Variants in RNLS observed in about 807,000 individuals in gnomAD.
RNLS encodes the protein renalase, FAD dependent amine oxidase, also known as renalase.
Under a neutral mutation model 39.8 loss-of-function variants are expected in RNLS, and 39 were observed. That is an observed-to-expected ratio of 0.98 (90% CI 0.76 to 1.28). The LOEUF is 1.28. Ranked by LOEUF, RNLS falls within the 50% of genes most tolerant of loss-of-function variation. RNLS has a pLI of 0.00. For synonymous variants in RNLS, 147 were observed against 150.7 expected, an observed-to-expected ratio of 0.98 and a Z score of 0.18; for missense variants, 410 against 413.3, an observed-to-expected ratio of 0.99 and a Z score of 0.07.
At chr10:88,398,271 AGTGAGTCAGG>A (rs1420631097) in intron 4 of RNLS, among the ~76,000 whole-genome samples, 1 of 152,076 alleles carries the variant, frequency 6.6e-6, no homozygotes, top group Non-Finnish European at 1.5e-5. Flanking sequence ...GAAAGGAATA[AGTGAGTCAGG>A]GTAAGCAGAT....
intron 4 of RNLS, among the ~76,000 whole-genome samples, chr10:88,449,753 A>T (rs1589814188): frequency 6.6e-6 from 1 of 152,326 alleles, no homozygotes. Context: ...CATATAATTA[A>T]AAGTAGAAAA....
At chr10:88,213,338 A>G in the RNLS span, among the ~76,000 whole-genome samples, 2 of 151,700 alleles carry the variant, frequency 1.3e-5, no homozygotes, top group Admixed American at 6.6e-5. Flanking sequence ...ACAATTCCTC[A>G]TTTGTCTGAG....
chr10:88,428,508 A>G (rs1854945267), intron 4 of RNLS, among the ~76,000 whole-genome samples: 2 of 151,984 alleles, frequency 1.3e-5, no homozygotes, highest in Admixed American at 6.6e-5. Flanking sequence ...AAGACTGTCC[A>G]TGTGGTTTTG....
At chr10:88,315,893 T>A (rs2133062005) in intron 5 of RNLS, among the ~76,000 whole-genome samples, 1 of 152,156 alleles carries the variant, frequency 6.6e-6, no homozygotes, top group African/African-American at 2.4e-5. Context: ...AATAGGTGCT[T>A]AATAAATCTA....
chr10:88,524,633 T>C lies in RNLS; in HGVS notation c.526+48270A>G, dbSNP rs530805494. ...CAGTTCTTCAGTTATACTAACCACATTTCAACAGCTAAACAGCCACATGTG... is the reference window on the plus strand; with the variant it reads ...CAGTTCTTCAGTTATACTAACCACACTTCAACAGCTAAACAGCCACATGTG... On this transcript the variant is annotated intron_variant, in intron 4 of 6. Transcript: ENST00000331772. 2.6e-5 allele frequency among the ~76,000 whole-genome samples: 4 copies of C among 152,052 alleles called. 1 individual carries two copies. Among genetic ancestry groups the C allele is most frequent in the African/African-American group, 4.8e-5 (2 of 41,490 alleles).
chr10:88,485,276 A>G (rs1432696041), intron 4 of RNLS, among the ~76,000 whole-genome samples: 1 of 151,984 alleles, frequency 6.6e-6, no homozygotes, highest in Non-Finnish European at 1.5e-5. Flanking sequence ...AATCAGGTCA[A>G]TGGGATAGAG....
At chr10:88,488,842 C>A (rs568657485) in intron 4 of RNLS, among the ~76,000 whole-genome samples, 73 of 152,196 alleles carry the variant, frequency 4.8e-4, no homozygotes, top group African/African-American at 1.7e-3. Context: ...GTCATAGTTG[C>A]GAATGGCAAA....
intron 4 of RNLS, among the ~76,000 whole-genome samples, chr10:88,433,983 G>A (rs111459902): frequency 0.013 from 2,015 of 152,234 alleles, 55 homozygotes; most frequent in African/African-American, 0.046. Context: ...TATTTGAAGT[G>A]TCTAGAGGCA....
At chr10:88,328,172 T>C (rs1224330810) in intron 5 of RNLS, among the ~76,000 whole-genome samples, 1 of 152,216 alleles carries the variant, frequency 6.6e-6, no homozygotes, top group African/African-American at 2.4e-5. Flanking sequence ...CCTCCCAAAG[T>C]GCTGGGATTA....
chr10:88,183,492 A>G, the RNLS span, among the ~76,000 whole-genome samples: 1 of 152,136 alleles, frequency 6.6e-6, no homozygotes, highest in Non-Finnish European at 1.5e-5. Context: ...TTTAGTTGAC[A>G]TATTTGAAAT....
chr10:88,551,193 A>C (rs187223716), intron 4 of RNLS, among the ~76,000 whole-genome samples: 1 of 152,288 alleles, frequency 6.6e-6, no homozygotes. Flanking sequence ...AAGCCAAAAA[A>C]CTACTTTACT....
intron 4 of RNLS, among the ~76,000 whole-genome samples, chr10:88,536,215 T>C (rs957999046): frequency 2.6e-5 from 4 of 152,218 alleles, no homozygotes; most frequent in Non-Finnish European, 5.9e-5. Flanking sequence ...GGAAAGGTAT[T>C]AGCATAGTTA....
At chr10:88,361,164 A>G (rs1194812311) in intron 5 of RNLS, among the ~76,000 whole-genome samples, 1 of 152,160 alleles carries the variant, frequency 6.6e-6, no homozygotes, top group Non-Finnish European at 1.5e-5. Context: ...CTCTTCTTTT[A>G]AGGTCATCAA....
At chr10:88,579,670 G>A (rs982830135) in intron 3 of RNLS, among the ~76,000 whole-genome samples, 2 of 152,148 alleles carry the variant, frequency 1.3e-5, no homozygotes, top group East Asian at 3.9e-4. Flanking sequence ...GTGGAAATGA[G>A]ATTTTTTAAA....
chr10:88,173,851 AATAAG>A, the RNLS span, among the ~76,000 whole-genome samples: 1 of 152,198 alleles, frequency 6.6e-6, no homozygotes, highest in African/African-American at 2.4e-5. Flanking sequence ...TGGTTACATG[AATAAG>A]TTCCTTAGTG....
intron 3 of RNLS, among the ~76,000 whole-genome samples, chr10:88,575,666 A>G (rs1457592073): frequency 6.6e-6 from 1 of 152,112 alleles, no homozygotes; most frequent in African/African-American, 2.4e-5. Flanking sequence ...CACAAAGACT[A>G]TGTGTTTAAA....
In RNLS at chr10:88,555,919, G is replaced by C. The variant is rs1349699720; in HGVS notation, c.526+16984C>G. Among the ~76,000 whole-genome samples, 3 of 152,030 alleles carry C rather than the reference G, an allele frequency of 2.0e-5. No individual in the cohort carries two copies. The East Asian group carries it at 5.8e-4, about 29-fold the overall frequency. On this transcript the variant is annotated intron_variant, in intron 4 of 6. Transcript: ENST00000331772. ...TGGGTTCAATCTTGGACCTCATCCA[G>C]TTCCATGGCTTTAAATACTATTTCT...
At chr10:88,379,745 T>G (rs1231433437) in intron 4 of RNLS, among the ~76,000 whole-genome samples, 2 of 152,122 alleles carry the variant, frequency 1.3e-5, no homozygotes, top group Non-Finnish European at 2.9e-5. Flanking sequence ...TTGAGCTAAG[T>G]CATAAAAGAT....
chr10:88,517,848 C>T (rs1846497069), intron 4 of RNLS, among the ~76,000 whole-genome samples: 1 of 151,708 alleles, frequency 6.6e-6, no homozygotes, highest in Non-Finnish European at 1.5e-5. Context: ...AATTTTCATA[C>T]CATTTGAAAA....
Sources: allele counts gnomAD v4.1 joint callset (sites outside exome capture counted in the v4.1 genomes callset), GRCh38; gene constraint gnomAD v4.1.1; transcripts MANE v1.5; gene names NCBI Gene and HGNC (gene_info 2026-07-23, HGNC 2026-07-21).